Variants in LHFPL3 observed in about 807,000 individuals in gnomAD.
The protein encoded by LHFPL3 is LHFPL tetraspan subfamily member 3.
A neutral mutation model predicts 19.3 loss-of-function variants in LHFPL3; 5 were observed. The observed-to-expected ratio is 0.26, with a 90% CI of 0.14 to 0.54. The LOEUF (loss-of-function observed/expected upper bound fraction) is 0.54, where lower values mean the gene tolerates loss of function less well. Among genes scored for constraint, LHFPL3 ranks in the 20% least tolerant of loss-of-function variants. The pLI is 0.94. For synonymous variants in LHFPL3, 133 were observed against 126.2 expected, an observed-to-expected ratio of 1.05 and a Z score of -0.36; for missense variants, 249 against 307.4, an observed-to-expected ratio of 0.81 and a Z score of 1.42.
chr7:104,598,489 T>C (rs1177817009), intron 1 of LHFPL3, among the ~76,000 whole-genome samples: 1 of 152,202 alleles, frequency 6.6e-6, no homozygotes, highest in Non-Finnish European at 1.5e-5. Flanking sequence ...GAGGTGGCAG[T>C]GGTCCAGTCA....
chr7:104,748,077 A>G (rs1300870202), intron 2 of LHFPL3, among the ~76,000 whole-genome samples: 2 of 151,814 alleles, frequency 1.3e-5, no homozygotes, highest in African/African-American at 4.8e-5. Flanking sequence ...TCTCTGAAAC[A>G]TGTGCTGTGT....
chr7:104,549,289 C>T (rs970582621), intron 1 of LHFPL3, among the ~76,000 whole-genome samples: 2 of 148,532 alleles, frequency 1.3e-5, no homozygotes, highest in Admixed American at 6.6e-5. Flanking sequence ...TATGTTCTCA[C>T]GACAATCTGA....
At chr7:104,583,686 A>T (rs1184550361) in intron 1 of LHFPL3, among the ~76,000 whole-genome samples, 1 of 152,214 alleles carries the variant, frequency 6.6e-6, no homozygotes, top group East Asian at 1.9e-4. Flanking sequence ...ACATTTATAC[A>T]GCCAAAAAAC....
intron 2 of LHFPL3, among the ~76,000 whole-genome samples, chr7:104,794,407 A>T (rs1790078561): frequency 6.6e-6 from 1 of 152,174 alleles, no homozygotes; most frequent in Non-Finnish European, 1.5e-5. Context: ...AGCTATATAA[A>T]TTTGCCACAT....
At chr7:104,739,506 G>A (rs990585599) in intron 2 of LHFPL3, among the ~76,000 whole-genome samples, 74 of 152,174 alleles carry the variant, frequency 4.9e-4, no homozygotes, top group African/African-American at 1.7e-3. Context: ...TTGAAATTGT[G>A]TAATTAATTA....
intron 2 of LHFPL3, among the ~76,000 whole-genome samples, chr7:104,829,096 G>T (rs562306747): frequency 6.6e-6 from 1 of 151,846 alleles, no homozygotes; most frequent in Admixed American, 6.5e-5. Flanking sequence ...TCAGATTGTG[G>T]TTTGGCCTAA....
Position 104,812,832 on chromosome 7 carries a change from G to C in LHFPL3, c.682+75921G>C, listed in dbSNP as rs552723368. Among the ~76,000 whole-genome samples, 227 of 89,806 alleles carry C rather than the reference G, an allele frequency of 2.5e-3. 2 individuals are homozygous for C. Among genetic ancestry groups the C allele is most frequent in the African/African-American group, 9.2e-3 (222 of 24,260 alleles). The allele number at this position is 89,806 out of a possible 152,430, so 58.9% of individuals were successfully genotyped here. On this transcript the variant is annotated intron_variant, in intron 2 of 2. Coordinates refer to ENST00000424859, the MANE Select transcript of LHFPL3 (RefSeq NM_199000.3). ...AAAAAAAAAAAAAAAAAAAAAAAAA[G>C]GCCAGGCGCAGTGGCTCATGTCTGT... is the stretch of plus-strand genomic sequence containing the variant.
At chr7:104,785,900 A>G (rs1237862362) in intron 2 of LHFPL3, 1 of 152,172 alleles carries the variant, frequency 6.6e-6, no homozygotes, top group Non-Finnish European at 1.5e-5. Flanking sequence ...AGGGCCTACA[A>G]ATCTCCTCTA....
At position 104,519,025 on chromosome 7, in the gene LHFPL3, TTTCTC is replaced by T. The variant is rs769276547; in HGVS notation, c.445+189815_445+189819del. ...CACACATTTTTGCTTGTCTTAGAGC[TTTCTC>T]TTCTCTTCTCTTCCAGCAAAACTCT... is the stretch of plus-strand genomic sequence containing the variant. On this transcript the variant is annotated intron_variant, in intron 1 of 2. Transcript: ENST00000424859. Among the ~76,000 whole-genome samples the T allele has an allele frequency of 1.1e-3, 160 of 152,236 alleles. 1 individual carries two copies. The highest frequency in any genetic ancestry group is 3.5e-3 in the African/African-American group (144 of 41,538).
chr7:104,701,933 T>C (rs4730035), intron 1 of LHFPL3, among the ~76,000 whole-genome samples: 97,208 of 151,942 alleles, frequency 0.64, 31,416 homozygotes, highest in African/African-American at 0.68. Context: ...TACATAGGTA[T>C]ACATGTGCCA....
chr7:104,692,184 G>T (rs2116138426), intron 1 of LHFPL3, among the ~76,000 whole-genome samples: 1 of 152,310 alleles, frequency 6.6e-6, no homozygotes, highest in East Asian at 1.9e-4. Context: ...TATTCACAAA[G>T]ATATGGTTTG....
intron 1 of LHFPL3, among the ~76,000 whole-genome samples, chr7:104,406,494 G>C (rs1037648843): frequency 6.6e-6 from 1 of 152,184 alleles, no homozygotes; most frequent in Non-Finnish European, 1.5e-5. Flanking sequence ...AAATGACATT[G>C]TTATAACTAT....
chr7:104,881,918 G>T (rs748084031), intron 2 of LHFPL3, among the ~76,000 whole-genome samples: 1 of 152,048 alleles, frequency 6.6e-6, no homozygotes, highest in Non-Finnish European at 1.5e-5. Context: ...GCAAAAATTC[G>T]TTCATTAATT....
intron 1 of LHFPL3, among the ~76,000 whole-genome samples, chr7:104,557,650 GT>G (rs1554406884): frequency 6.6e-6 from 1 of 151,846 alleles, no homozygotes; most frequent in Non-Finnish European, 1.5e-5. Flanking sequence ...ACTTTAATCT[GT>G]TTTTTATTTT....
At chr7:104,888,836 G>T (rs1792195104) in intron 2 of LHFPL3, among the ~76,000 whole-genome samples, 1 of 152,158 alleles carries the variant, frequency 6.6e-6, no homozygotes, top group African/African-American at 2.4e-5. Flanking sequence ...AAGGAAGAGG[G>T]GAGATTTCTG....
chr7:104,867,099 C>G (rs1562819689), intron 2 of LHFPL3, among the ~76,000 whole-genome samples: 1 of 152,182 alleles, frequency 6.6e-6, no homozygotes, highest in Non-Finnish European at 1.5e-5. Context: ...AAATTTATAG[C>G]ACGAAATGCC....
Position 104,614,676 on chromosome 7 carries a change from CTTCCTTCTTTCTTTCTTTCTTTCTTTCT to C in LHFPL3, c.446-121995_446-121968del, listed in dbSNP as rs1480808495. ...CTCTCCTTCCTTCCTTCCTTCCTTC[CTTCCTTCTTTCTTTCTTTCTTTCTTTCT>C]TTCTTTCTTTCTTTCTTTCTTTCTT... On this transcript the variant is annotated intron_variant, in intron 1 of 2. Transcript: ENST00000424859. 9.2e-5 allele frequency among the ~76,000 whole-genome samples: 9 copies of C among 97,564 alleles called. 1 individual carries two copies. Among genetic ancestry groups the C allele is most frequent in the African/African-American group, 3.3e-4 (9 of 27,394 alleles). The allele number at this position is 97,564 out of a possible 152,430, so 64.0% of individuals were successfully genotyped here. A position where few individuals can be genotyped will look rare whatever the true frequency, so the allele number is the denominator to read the frequency against.
chr7:104,851,583 G>C (rs1345665870), intron 2 of LHFPL3, among the ~76,000 whole-genome samples: 1 of 152,200 alleles, frequency 6.6e-6, no homozygotes, highest in Non-Finnish European at 1.5e-5. Flanking sequence ...TCATATTTGT[G>C]AAGATTGTTG....
rs1465027136 is a variant in LHFPL3, at chr7:104,430,405, CATATATATAT to C, written c.445+101185_445+101194del. Among the ~76,000 whole-genome samples, 86 of 22,454 alleles carry C rather than the reference CATATATATAT, an allele frequency of 3.8e-3. 1 individual carries two copies. Among genetic ancestry groups the C allele is most frequent in the African/African-American group, 0.015 (80 of 5,214 alleles). The allele number at this position is 22,454 out of a possible 152,430, so 14.7% of individuals were successfully genotyped here. A position where few individuals can be genotyped will look rare whatever the true frequency, so the allele number is the denominator to read the frequency against. On this transcript the variant is annotated intron_variant, in intron 1 of 2. Transcript: ENST00000424859. ...ATACATATATATATATATATATATA[CATATATATAT>C]ATACATATATATATATATATATATA...
Sources: gnomAD v4.1 joint callset for allele counts (sites outside exome capture counted in the v4.1 genomes callset) on GRCh38, gnomAD v4.1.1 for gene constraint, MANE v1.5 for transcripts, NCBI Gene and HGNC (gene_info 2026-07-23, HGNC 2026-07-21) for gene names.